The following TRPM7 variants were observed in gnomAD, a reference collection of about 807,000 sequenced individuals.
The protein encoded by TRPM7 is transient receptor potential cation channel subfamily M member 7, also known as LTRPC ion channel family member 7.
Under a neutral mutation model 229.7 loss-of-function variants are expected in TRPM7, and 134 were observed. That is an observed-to-expected ratio of 0.58 (90% confidence interval 0.51 to 0.67). TRPM7 has a LOEUF of 0.67. TRPM7 is among the 30% of genes least tolerant of loss of function. The pLI is 0.00. For missense variants in TRPM7, 1,901 were observed against 2,210.0 expected (o/e 0.86, Z 2.80); for synonymous variants, 699 against 715.2 (o/e 0.98, Z 0.36).
chr15:50,686,088 C>T (rs1195826022), intron 1 of TRPM7, among the ~76,000 whole-genome samples: 2 of 152,224 alleles, frequency 1.3e-5, no homozygotes, highest in African/African-American at 4.8e-5. Flanking sequence ...GCCCTCCCTC[C>T]CTTTTTTCCA....
intron 13 of TRPM7, among the ~76,000 whole-genome samples, chr15:50,616,010 C>A (rs1219523815): frequency 6.6e-6 from 1 of 152,074 alleles, no homozygotes; most frequent in African/African-American, 2.4e-5. Flanking sequence ...ATCTTGAATA[C>A]AAGATTTTTG....
intron 24 of TRPM7, 81 bp from the exon 25 acceptor site, chr15:50,593,830 A>G (rs2059566156): frequency 7.3e-7 from 1 of 1,375,124 alleles, no homozygotes; most frequent in Non-Finnish European, 9.9e-7. Flanking sequence ...CGAATTATTC[A>G]GGGTTTCTAA....
intron 38 of TRPM7, among the ~76,000 whole-genome samples, chr15:50,563,670 T>C (rs573543559): frequency 6.6e-4 from 100 of 152,312 alleles, no homozygotes; most frequent in African/African-American, 2.4e-3. Context: ...GTGGGAGATA[T>C]AAATCAAGAA....
At chr15:50,638,705 AG>A (rs2060998894) in intron 6 of TRPM7, among the ~76,000 whole-genome samples, 1 of 61,464 alleles carries the variant, frequency 1.6e-5, no homozygotes, top group African/African-American at 3.9e-5. Flanking sequence ...TGTATGTATG[AG>A]ATGGAGTTTT....
intron 27 of TRPM7, chr15:50,586,709 A>C: frequency 2.8e-6 from 1 of 360,058 alleles, no homozygotes; most frequent in Non-Finnish European, 5.0e-6. Flanking sequence ...ATCCATCCAA[A>C]TGAATTTTTT....
At position 50,686,707 on chromosome 15, in the gene TRPM7, G is replaced by A. The variant is rs1213832260; in HGVS notation, c.-174C>T. ...AGCTCCGGCGCTAGCAGCAGAAGCC[G>A]AGTCTTTCATAATTGTGCGACCAAC... On this transcript the variant is annotated 5_prime_UTR_variant, in exon 1 of 39. Transcript: ENST00000646667. The A allele has an allele frequency of 3.6e-6, 3 of 825,898 alleles. No individual in the cohort carries two copies. Among genetic ancestry groups the A allele is most frequent in the South Asian group, 1.9e-5 (1 of 53,800 alleles). The allele number at this position is 825,898 out of a possible 1,614,324, so 51.2% of individuals were successfully genotyped here.
At chr15:50,587,724 C>A (rs2059381257) in intron 27 of TRPM7, among the ~76,000 whole-genome samples, 1 of 151,932 alleles carries the variant, frequency 6.6e-6, no homozygotes, top group South Asian at 2.1e-4. Context: ...GGCAATATGA[C>A]AATAATTTGT....
intron 27 of TRPM7, among the ~76,000 whole-genome samples, chr15:50,587,119 C>G (rs765464364): frequency 6.6e-6 from 1 of 152,124 alleles, no homozygotes; most frequent in Non-Finnish European, 1.5e-5. Flanking sequence ...TCACCTCACC[C>G]CCAAAGAAGC....
intron 19 of TRPM7, among the ~76,000 whole-genome samples, chr15:50,608,052 C>CAAAAAAAAA (rs570861548): frequency 1.3e-5 from 1 of 76,234 alleles, no homozygotes; most frequent in Non-Finnish European, 2.4e-5. Flanking sequence ...GAGACTCTGT[C>CAAAAAAAAA]AAAAAAAAAA....
chr15:50,630,933 T>C (rs542351106), intron 10 of TRPM7, among the ~76,000 whole-genome samples: 1 of 152,120 alleles, frequency 6.6e-6, no homozygotes, highest in African/African-American at 2.4e-5. Flanking sequence ...CTTTCCAGGA[T>C]CAGGTGATTC....
chr15:50,658,592 T>C (rs980541956), intron 2 of TRPM7, among the ~76,000 whole-genome samples: 3 of 151,566 alleles, frequency 2.0e-5, no homozygotes, highest in African/African-American at 7.3e-5. Context: ...AAAAAGACAT[T>C]ATCTTGGCAA....
At chr15:50,572,387 GAA>G (rs2053933369) in intron 36 of TRPM7, among the ~76,000 whole-genome samples, 2 of 152,174 alleles carry the variant, frequency 1.3e-5, no homozygotes, top group Non-Finnish European at 2.9e-5. Flanking sequence ...CCTTCACCAG[GAA>G]AAAGACTACA....
intron 25 of TRPM7, 132 bp downstream of exon 25, chr15:50,593,485 C>T: frequency 1.0e-6 from 1 of 971,494 alleles, no homozygotes; most frequent in Non-Finnish European, 1.5e-6. Context: ...ACGATCTTTC[C>T]AATACATCAT....
intron 7 of TRPM7, among the ~76,000 whole-genome samples, chr15:50,635,255 T>A (rs148687414): frequency 7.4e-6 from 1 of 135,136 alleles, no homozygotes; most frequent in Non-Finnish European, 1.5e-5. Context: ...GAGGCAGAGG[T>A]TGCAGTGAGC....
chr15:50,615,884 G>GA (rs957487482), intron 13 of TRPM7, among the ~76,000 whole-genome samples: 1 of 151,994 alleles, frequency 6.6e-6, no homozygotes, highest in African/African-American at 2.4e-5. Context: ...CAACAAAGGC[G>GA]AAACTCCGTC....
At chr15:50,615,008 A>T (rs953794085) in intron 13 of TRPM7, among the ~76,000 whole-genome samples, 1 of 151,822 alleles carries the variant, frequency 6.6e-6, no homozygotes, top group African/African-American at 2.4e-5. Context: ...CGTCTCTACT[A>T]AAAAAATATA....
At chr15:50,646,452 T>C (rs1244555353) in intron 4 of TRPM7, among the ~76,000 whole-genome samples, 1 of 152,186 alleles carries the variant, frequency 6.6e-6, no homozygotes, top group African/African-American at 2.4e-5. Context: ...CCAGCTAATA[T>C]TTTTGAATTT....
chr15:50,599,364 T>A, intron 21 of TRPM7, 68 bp from the exon 22 acceptor site: 1 of 1,185,330 alleles, frequency 8.4e-7, no homozygotes, highest in Non-Finnish European at 1.2e-6. Context: ...TTCTAAAAGC[T>A]TCTAATGTTC....
chr15:50,587,183 T>C (rs971583482), intron 27 of TRPM7, among the ~76,000 whole-genome samples: 1 of 152,180 alleles, frequency 6.6e-6, no homozygotes, highest in Admixed American at 6.5e-5. Flanking sequence ...GGGGGAACTA[T>C]TTCCTTTTGG....
Sources: allele counts gnomAD v4.1 joint callset (sites outside exome capture counted in the v4.1 genomes callset), GRCh38; gene constraint gnomAD v4.1.1; transcripts MANE v1.5; gene names NCBI Gene and HGNC (gene_info 2026-07-23, HGNC 2026-07-21).